The following PTBP3 variants were observed in gnomAD, a reference collection of about 807,000 sequenced individuals.
The protein encoded by PTBP3 is polypyrimidine tract binding protein 3, also known as polypyrimidine tract-binding protein 3.
In PTBP3, 20 loss-of-function variants were observed where a neutral mutation model predicts 58.7. That is an observed-to-expected ratio of 0.34 (90% CI 0.24 to 0.50). The LOEUF is 0.50. Among genes scored for constraint, PTBP3 ranks in the 20% least tolerant of loss-of-function variants. PTBP3 has a pLI of 0.98. For missense variants in PTBP3, 509 were observed against 637.2 expected (o/e 0.80, Z 2.17); for synonymous variants, 185 against 219.8 (o/e 0.84, Z 1.40).
At chr9:112,286,286 C>A (rs1292020426) in intron 2 of PTBP3, among the ~76,000 whole-genome samples, 1 of 151,994 alleles carries the variant, frequency 6.6e-6, no homozygotes, top group East Asian at 1.9e-4. Flanking sequence ...TATTGCATTC[C>A]CACTTCATAT....
At chr9:112,347,928 A>G in the PTBP3 span, among the ~76,000 whole-genome samples, 19 of 152,314 alleles carry the variant, frequency 1.2e-4, no homozygotes, top group South Asian at 2.5e-3. Context: ...ACATATTTTG[A>G]ATGTATCAAG....
At chr9:112,265,032 T>C (rs1341880097) in intron 4 of PTBP3, among the ~76,000 whole-genome samples, 2 of 152,196 alleles carry the variant, frequency 1.3e-5, no homozygotes, top group Admixed American at 6.5e-5. Context: ...ATATAATTAA[T>C]GTGCATAATT....
intron 1 of PTBP3, chr9:112,298,654 G>A: frequency 2.4e-6 from 1 of 422,544 alleles, no homozygotes; most frequent in South Asian, 1.8e-5. Context: ...AAGAACAAGT[G>A]TTTTGATACA....
chr9:112,359,119 G>A, the PTBP3 span, among the ~76,000 whole-genome samples: 8 of 152,224 alleles, frequency 5.3e-5, no homozygotes, highest in Non-Finnish European at 8.8e-5. Flanking sequence ...ACAGGTGTGC[G>A]CCACTGCACC....
At chr9:112,327,054 AC>A (rs1020559638) in intron 1 of PTBP3, among the ~76,000 whole-genome samples, 1 of 151,880 alleles carries the variant, frequency 6.6e-6, no homozygotes, top group African/African-American at 2.4e-5. Flanking sequence ...CTTCGTCTCT[AC>A]AAAAAAACTT....
rs1834749498 is a variant in PTBP3 at position 112,220,046 on chromosome 9, T to C, written c.*3805A>G. The C allele has an allele frequency of 8.8e-7, 1 of 1,136,632 alleles. No individual in the cohort carries two copies. The highest frequency in any genetic ancestry group is 1.6e-5 in the African/African-American group (1 of 60,778). 70.4% of individuals were successfully genotyped at this position (1,136,632 alleles called of 1,614,324 possible). A position where few individuals can be genotyped will look rare whatever the true frequency, so the allele number is the denominator to read the frequency against. On this transcript the variant is annotated 3_prime_UTR_variant, in exon 14 of 14. Coordinates refer to ENST00000374257, the MANE Select transcript of PTBP3 (RefSeq NM_001163788.4). ...TGGCAGTTTTGTTCTCATTAACAGATCAAGACAAAGGAAAGGCTAAGAAAA... is the reference window on the plus strand; with the variant it reads ...TGGCAGTTTTGTTCTCATTAACAGACCAAGACAAAGGAAAGGCTAAGAAAA...
At chr9:112,353,696 A>G in the PTBP3 span, among the ~76,000 whole-genome samples, 1 of 151,956 alleles carries the variant, frequency 6.6e-6, no homozygotes, top group African/African-American at 2.4e-5. Flanking sequence ...GTAAATAAAT[A>G]TAATATAGAT....
At chr9:112,300,142 T>C (rs1828855249) in intron 1 of PTBP3, among the ~76,000 whole-genome samples, 1 of 152,200 alleles carries the variant, frequency 6.6e-6, no homozygotes, top group Non-Finnish European at 1.5e-5. Context: ...GGGAGTTAAG[T>C]ATAATTTAGT....
At chr9:112,239,490 G>C (rs920025730) in intron 7 of PTBP3, among the ~76,000 whole-genome samples, 1 of 152,074 alleles carries the variant, frequency 6.6e-6, no homozygotes. Flanking sequence ...AGCACTTTAG[G>C]AGGCCAAGGT....
intron 4 of PTBP3, among the ~76,000 whole-genome samples, chr9:112,266,800 G>A (rs185871793): frequency 1.8e-4 from 27 of 152,258 alleles, no homozygotes; most frequent in Admixed American, 5.9e-4. Context: ...TTATCTCTGG[G>A]TAACTGGATT....
At chr9:112,353,057 C>T in the PTBP3 span, among the ~76,000 whole-genome samples, 12 of 152,028 alleles carry the variant, frequency 7.9e-5, no homozygotes, top group East Asian at 1.9e-4. Context: ...CCTGCCACCA[C>T]GCCTGGTTAA....
Position 112,244,289 on chromosome 9 carries a change from CAAAAA to C in PTBP3, c.802+6635_802+6639del, listed in dbSNP as rs56052359. ...TGGGCAACAGAGTGAGACTCTGTCT[CAAAAA>C]AAAAAAAAAAAAAGTTCTCAGGAAT... On this transcript the variant is annotated intron_variant, in intron 7 of 13. Transcript: ENST00000374257. Among the ~76,000 whole-genome samples the C allele has an allele frequency of 5.5e-5, 2 of 36,302 alleles. 1 individual carries two copies. Among genetic ancestry groups the C allele is most frequent in the South Asian group, 3.7e-3 (2 of 540 alleles). 23.8% of individuals were successfully genotyped at this position (36,302 alleles called of 152,430 possible).
chr9:112,365,337 G>A, the PTBP3 span, among the ~76,000 whole-genome samples: 1 of 152,114 alleles, frequency 6.6e-6, no homozygotes, highest in African/African-American at 2.4e-5. Flanking sequence ...GGAGATAATT[G>A]AATCATGGGG....
At chr9:112,340,890 A>AAATT in the PTBP3 span, among the ~76,000 whole-genome samples, 2 of 151,276 alleles carry the variant, frequency 1.3e-5, no homozygotes, top group Non-Finnish European at 2.9e-5. Context: ...AAAAAAAAAT[A>AAATT]AATAAAATAA....
At chr9:112,334,455 C>G (rs1430167011), upstream of PTBP3, among the ~76,000 whole-genome samples, 1 of 152,142 alleles carries the variant, frequency 6.6e-6, no homozygotes, top group Non-Finnish European at 1.5e-5. Flanking sequence ...GCCCTTCCCT[C>G]TGGTCTGAGC....
rs188892808 is a variant in PTBP3 at position 112,290,470 on chromosome 9, G to A, written c.34+7362C>T. Among the ~76,000 whole-genome samples the A allele has an allele frequency of 4.0e-3, 608 of 151,824 alleles. 4 individuals are homozygous for A. Among genetic ancestry groups the A allele is most frequent in the African/African-American group, 0.014 (582 of 41,404 alleles). ...TGGGATTACTTGAGGTCAAGAGTTC[G>A]AGACCAGCCTGGCCAACATGGTAAA... On this transcript the variant is annotated intron_variant, in intron 2 of 13. Coordinates refer to ENST00000374257, the MANE Select transcript of PTBP3 (RefSeq NM_001163788.4).
chr9:112,285,787 G>A (rs1412733679), intron 2 of PTBP3, among the ~76,000 whole-genome samples: 1 of 152,202 alleles, frequency 6.6e-6, no homozygotes, highest in Non-Finnish European at 1.5e-5. Flanking sequence ...CTTAGCTCAT[G>A]GGAAATTTGA....
intron 7 of PTBP3, among the ~76,000 whole-genome samples, chr9:112,244,629 G>A (rs1352497542): frequency 1.3e-5 from 2 of 152,210 alleles, no homozygotes; most frequent in African/African-American, 4.8e-5. Flanking sequence ...AGTGAACCAT[G>A]AGTGCACCAC....
intron 1 of PTBP3, among the ~76,000 whole-genome samples, chr9:112,305,252 T>C (rs1311557847): frequency 1.5e-5 from 2 of 133,316 alleles, no homozygotes; most frequent in Non-Finnish European, 3.1e-5. Context: ...ATATCATGCC[T>C]GAAAGGACTT....
Sources: allele counts gnomAD v4.1 joint callset (sites outside exome capture counted in the v4.1 genomes callset), GRCh38; gene constraint gnomAD v4.1.1; transcripts MANE v1.5; gene names NCBI Gene and HGNC (gene_info 2026-07-23, HGNC 2026-07-21).